Variants in ITPRID2 observed in about 807,000 individuals in gnomAD.
ITPRID2 encodes the protein ITPR interacting domain containing 2, also known as protein ITPRID2.
A neutral mutation model predicts 124.3 loss-of-function variants in ITPRID2; 60 were observed. That is an observed-to-expected ratio of 0.48 (90% CI 0.39 to 0.60). The LOEUF (loss-of-function observed/expected upper bound fraction) is 0.60. Ranked by LOEUF, ITPRID2 falls within the 20% of genes least tolerant of loss-of-function variation. The pLI is 0.00. For missense variants in ITPRID2, 1,553 were observed against 1,512.2 expected, an observed-to-expected ratio of 1.03 and a Z score of -0.45; for synonymous variants, 521 against 542.9, an observed-to-expected ratio of 0.96 and a Z score of 0.56.
rs1242554928 is a variant in ITPRID2, at chr2:181,910,828, T to G, written c.1486+857T>G. ...TGGTATTAAGAAACAAGAGCTTCACTCTCACTCGGTCACTGCAGCTCTGGT... is the reference window on the plus strand; with the variant it reads ...TGGTATTAAGAAACAAGAGCTTCACGCTCACTCGGTCACTGCAGCTCTGGT... On this transcript the variant is annotated intron_variant, in intron 9 of 17. Transcript: ENST00000431877. This position sits in a 1 kb window ranked among gnomAD's most constrained non-coding sequence, Gnocchi z 4.1. Among the ~76,000 whole-genome samples the G allele has an allele frequency of 6.7e-6, 1 of 149,870 alleles. No individual in the cohort carries two copies. Among genetic ancestry groups the G allele is most frequent in the East Asian group, 1.9e-4 (1 of 5,202 alleles).
rs1202529649 is a variant in ITPRID2, at chr2:181,907,071, T to C, written c.1414-2828T>C. 6.6e-6 allele frequency among the ~76,000 whole-genome samples: 1 copy of C among 152,256 alleles called. No individual in the cohort carries two copies. Among genetic ancestry groups the C allele is most frequent in the Non-Finnish European group, 1.5e-5 (1 of 68,034 alleles). On this transcript the variant is annotated intron_variant, in intron 8 of 17. Transcript: ENST00000431877. The surrounding 1 kb of genome is among the most constrained non-coding windows in gnomAD (Gnocchi z 5.1). ...TTGATATACAATGTTTATTCAATGA[T>C]GACAGCTATACAGTCTCTTTTTAAA...
At chr2:181,894,665 C>T (rs1014285523) in intron 2 of ITPRID2, 4 of 152,064 alleles carry the variant, frequency 2.6e-5, no homozygotes, top group African/African-American at 7.2e-5. Context: ...CCGTCCATAT[C>T]CTGAATAAAG....
rs1462196662 is a variant in ITPRID2 at position 181,896,372 on chromosome 2, AT to A, written c.307+295del. On this transcript the variant is annotated intron_variant, in intron 3 of 17. Transcript: ENST00000431877. The surrounding 1 kb of genome is among the most constrained non-coding windows in gnomAD (Gnocchi z 4.3). Reference sequence around the variant, plus strand: ...ATATGCAAATATAAGGAAAATACTTATTGAGTGAACAAAAGTTTAGTCAACT... The same window carrying A: ...ATATGCAAATATAAGGAAAATACTTATGAGTGAACAAAAGTTTAGTCAACT... Among the ~76,000 whole-genome samples the A allele has an allele frequency of 2.0e-5, 3 of 152,130 alleles. No homozygotes were observed. Among genetic ancestry groups the A allele is most frequent in the Non-Finnish European group, 4.4e-5 (3 of 67,852 alleles).
chr2:181,898,788 TA>T, intron 4 of ITPRID2, 91 bp from the exon 5 acceptor site: 1 of 907,086 alleles, frequency 1.1e-6, no homozygotes, highest in Admixed American at 2.0e-5. Flanking sequence ...TTAATTCTAA[TA>T]TTGTAGGTAA....
chr2:181,918,965 T>G (rs1694282616), intron 13 of ITPRID2, 83 bp downstream of exon 13: 6 of 1,516,482 alleles, frequency 4.0e-6, no homozygotes, highest in Non-Finnish European at 5.4e-6. Flanking sequence ...AAATTAGGTT[T>G]TGATTCTACT....
chr2:181,892,249 C>T lies in ITPRID2; in HGVS notation c.183C>T (p.Gly61=), dbSNP rs1243017524. 6.5e-7 allele frequency: 1 copy of T among 1,548,944 alleles called. No homozygotes were observed. The highest frequency in any genetic ancestry group is 1.2e-5 in the South Asian group (1 of 84,018). The stretch of plus-strand genomic sequence containing the variant: ...AGGACGAGGAGGAGGACCTCCCCGG[C>T]GCGCAGCTGCCGGCAGCGGGGGGAA... ...EEEDEEEDLP[G]AQLPAAGGRG... The change falls in exon 1 of 18, where the codon GGC becomes GGT. Residue 61 remains glycine, a synonymous_variant. Coordinates refer to ENST00000431877, the MANE Select transcript of ITPRID2 (RefSeq NM_001130445.3). This position sits in a 1 kb window ranked among gnomAD's most constrained non-coding sequence, Gnocchi z 5.2.
chr2:181,929,739 T>A lies in ITPRID2; in HGVS notation c.*192T>A. ...GACGTACATAGAAACTTAGGCACTT[T>A]GCTATTTCTTTTCTAAACTATCAAA... On this transcript the variant is annotated 3_prime_UTR_variant, in exon 18 of 18. Coordinates refer to ENST00000431877, the MANE Select transcript of ITPRID2 (RefSeq NM_001130445.3). 1 of 886,338 alleles carries A rather than the reference T, an allele frequency of 1.1e-6. No homozygotes were observed. Among genetic ancestry groups the A allele is most frequent in the South Asian group, 2.6e-5 (1 of 38,348 alleles). The allele number at this position is 886,338 out of a possible 1,614,324, so 54.9% of individuals were successfully genotyped here.
In ITPRID2 at chr2:181,915,301, C is replaced by T. The variant is rs1284764853; in HGVS notation, c.1661C>T (p.Ala554Val). Residue 554 changes from alanine to valine, a missense_variant, in exon 11 of 18, where the codon GCC becomes GTC. Physicochemically the swap from Ala to Val is moderately conservative, Grantham distance 64 (BLOSUM62 0). Transcript: ENST00000431877. ...GTTACGTCACTTGGTGAAGACCTTG[C>T]CACACCAACAGCACAAGACCAGCCT... ...TTVTSLGEDL[A>V]TPTAQDQPYF... The T allele has an allele frequency of 6.2e-7, 1 of 1,614,138 alleles. No individual in the cohort carries two copies. Among genetic ancestry groups the T allele is most frequent in the African/African-American group, 1.3e-5 (1 of 75,030 alleles).
rs978941426 is a variant in ITPRID2 at position 181,924,111 on chromosome 2, C to CT, written c.3675+1701dup. Among the ~76,000 whole-genome samples the CT allele has an allele frequency of 7.9e-5, 12 of 152,158 alleles. No homozygotes were observed. The South Asian group carries it at 1.5e-3, about 18-fold the overall frequency. On this transcript the variant is annotated intron_variant, in intron 16 of 17. Transcript: ENST00000431877. ...TACTTAGTTCTGAATTTGGCATAGG[C>CT]TTGAGGAAATTGGGTTTAACATTTA...
rs1693515038 is a variant in ITPRID2, at chr2:181,910,481, T to A, written c.1486+510T>A. 1.7e-6 allele frequency: 1 copy of A among 586,078 alleles called. No individual in the cohort carries two copies. 36.3% of individuals were successfully genotyped at this position (586,078 alleles called of 1,614,324 possible). ...TAGATACTGTTCCTCTCTTAAATTATTAATTATTGACCAAAGAACCTTTGA... is the reference window on the plus strand; with the variant it reads ...TAGATACTGTTCCTCTCTTAAATTAATAATTATTGACCAAAGAACCTTTGA... On this transcript the variant is annotated intron_variant, in intron 9 of 17. Coordinates refer to ENST00000431877, the MANE Select transcript of ITPRID2 (RefSeq NM_001130445.3). This position sits in a 1 kb window ranked among gnomAD's most constrained non-coding sequence, Gnocchi z 4.1.
intron 8 of ITPRID2, 88 bp from the exon 9 acceptor site, chr2:181,909,811 T>G: frequency 1.1e-6 from 1 of 945,426 alleles, no homozygotes; most frequent in South Asian, 1.5e-5. Flanking sequence ...TTGAGTTAGG[T>G]TGATTTGTTT....
At chr2:181,929,179 C>G (rs1249237931) in intron 17 of ITPRID2, among the ~76,000 whole-genome samples, 2 of 151,268 alleles carry the variant, frequency 1.3e-5, no homozygotes, top group Non-Finnish European at 2.9e-5. Flanking sequence ...TGCTTTAGCT[C>G]TAACTTCATT....
chr2:181,892,497 A>G lies in ITPRID2; in HGVS notation c.212-118A>G, dbSNP rs1691817723. 2 of 1,322,832 alleles carry G rather than the reference A, an allele frequency of 1.5e-6. No homozygotes were observed. The highest frequency in any genetic ancestry group is 2.3e-5 in the East Asian group (1 of 42,652). 81.9% of individuals were successfully genotyped at this position (1,322,832 alleles called of 1,614,324 possible). A position where few individuals can be genotyped will look rare whatever the true frequency, so the allele number is the denominator to read the frequency against. ...GATTTCCCTGCCAAGGGACACTGAG[A>G]CGTGTCGCTTAGGCTGCATTTGCCG... On this transcript the variant is annotated intron_variant, in intron 1 of 17. Coordinates refer to ENST00000431877, the MANE Select transcript of ITPRID2 (RefSeq NM_001130445.3). The surrounding 1 kb of genome is among the most constrained non-coding windows in gnomAD (Gnocchi z 5.2).
At chr2:181,921,113 G>T (rs529877875) in intron 15 of ITPRID2, among the ~76,000 whole-genome samples, 123 of 152,272 alleles carry the variant, frequency 8.1e-4, no homozygotes, top group African/African-American at 2.9e-3. Context: ...GAGGCCAGGA[G>T]CTCAAGGCTA....
At position 181,896,102 on chromosome 2, in the gene ITPRID2, A is replaced by C; in HGVS notation, c.307+23A>C. 1 of 1,604,764 alleles carries C rather than the reference A, an allele frequency of 6.2e-7. No homozygotes were observed. The highest frequency in any genetic ancestry group is 8.5e-7 in the Non-Finnish European group (1 of 1,171,714). On this transcript the variant is annotated intron_variant, in intron 3 of 17. Transcript: ENST00000431877. The surrounding 1 kb of genome is among the most constrained non-coding windows in gnomAD (Gnocchi z 4.3). The stretch of plus-strand genomic sequence containing the variant: ...AGGGTAAGAGAAGGTTGCCTTTCTA[A>C]ATCTGTTCTTTATGACAGTTCTACT...
intron 9 of ITPRID2, among the ~76,000 whole-genome samples, chr2:181,912,882 A>T (rs1044015548): frequency 3.3e-5 from 5 of 152,166 alleles, no homozygotes; most frequent in African/African-American, 1.2e-4. Context: ...AAGCAGAAAG[A>T]TTTTATAAGA....
chr2:181,912,854 A>G (rs1693711630), intron 9 of ITPRID2, among the ~76,000 whole-genome samples: 1 of 152,192 alleles, frequency 6.6e-6, no homozygotes, highest in South Asian at 2.1e-4. Flanking sequence ...AGGAATTAGA[A>G]TTTTGAGGCA....
rs746655570 is a variant in ITPRID2, at chr2:181,902,308, A to T, written c.1255A>T (p.Ser419Cys). The change falls in exon 8 of 18, where the codon AGT (serine) becomes TGT (cysteine). Residue 419 changes from serine (S) to cysteine (C), a missense_variant. Physicochemically the swap from Ser to Cys is moderately radical, Grantham distance 112. Coordinates refer to ENST00000431877, the MANE Select transcript of ITPRID2 (RefSeq NM_001130445.3). This position sits in a 1 kb window ranked among gnomAD's most constrained non-coding sequence, Gnocchi z 4.4. ...ESGIVESKLDSDFNISSHSEL... is the reference protein window; with the variant it reads ...ESGIVESKLDCDFNISSHSEL... Reference sequence around the variant, plus strand: ...TGGTATTGTAGAATCCAAATTAGATAGTGATTTCAACATATCCAGCCACAG... The same window carrying T: ...TGGTATTGTAGAATCCAAATTAGATTGTGATTTCAACATATCCAGCCACAG... The T allele has an allele frequency of 6.2e-7, 1 of 1,614,004 alleles. No individual in the cohort carries two copies. Among genetic ancestry groups the T allele is most frequent in the Non-Finnish European group, 8.5e-7 (1 of 1,179,916 alleles).
chr2:181,892,438 C>T lies in ITPRID2; in HGVS notation c.211+161C>T. 1 of 1,123,912 alleles carries T rather than the reference C, an allele frequency of 8.9e-7. No homozygotes were observed. The highest frequency in any genetic ancestry group is 1.3e-6 in the Non-Finnish European group (1 of 787,532). 69.6% of individuals were successfully genotyped at this position (1,123,912 alleles called of 1,614,324 possible). A position where few individuals can be genotyped will look rare whatever the true frequency, so the allele number is the denominator to read the frequency against. ...CAAACGCGCGCGCTGAACGAGGCGCCCCCAGCGTCAACACAGACAACTGGG... is the reference window on the plus strand; with the variant it reads ...CAAACGCGCGCGCTGAACGAGGCGCTCCCAGCGTCAACACAGACAACTGGG... On this transcript the variant is annotated intron_variant, in intron 1 of 17. Coordinates refer to ENST00000431877, the MANE Select transcript of ITPRID2 (RefSeq NM_001130445.3). The surrounding 1 kb of genome is among the most constrained non-coding windows in gnomAD (Gnocchi z 5.2).
Sources: allele counts gnomAD v4.1 joint callset (sites outside exome capture counted in the v4.1 genomes callset), GRCh38; gene constraint gnomAD v4.1.1; non-coding constraint Gnocchi (gnomAD v3.1); transcripts MANE v1.5; gene names NCBI Gene and HGNC (gene_info 2026-07-23, HGNC 2026-07-21).